DIP2C: variants seen among roughly 807,000 people sequenced by gnomAD.
DIP2C encodes DIP2 acetate--CoA ligase C (putative).
In DIP2C, 33 loss-of-function variants were observed where a neutral mutation model predicts 192.4. The observed-to-expected ratio is 0.17, with a 90% CI of 0.13 to 0.23. The LOEUF is 0.23. Among genes scored for constraint, DIP2C ranks in the 10% least tolerant of loss-of-function variants. DIP2C has a pLI of 1.00. For synonymous variants in DIP2C, 979 were observed against 864.1 expected (o/e 1.13, Z -2.33); for missense variants, 1,537 against 2,110.1 (o/e 0.73, Z 5.32).
chr10:431,306 T>G (rs1040124150), intron 4 of DIP2C, among the ~76,000 whole-genome samples: 10 of 152,252 alleles, frequency 6.6e-5, no homozygotes, highest in Admixed American at 6.5e-4. Context: ...AATATTCAGT[T>G]TTCCTATCCA....
At chr10:575,195 G>A (rs1302630124) in intron 1 of DIP2C, among the ~76,000 whole-genome samples, 1 of 152,204 alleles carries the variant, frequency 6.6e-6, no homozygotes, top group Admixed American at 6.5e-5. Context: ...ATGCTAATCT[G>A]AAACATGGAA....
chr10:548,519 G>C (rs112906712), intron 1 of DIP2C, among the ~76,000 whole-genome samples: 220 of 110,638 alleles, frequency 2.0e-3, no homozygotes, highest in African/African-American at 7.5e-3. Context: ...GGGAGGGAGG[G>C]AGGCAGGCAG....
intron 1 of DIP2C, among the ~76,000 whole-genome samples, chr10:518,424 C>T (rs1202346594): frequency 3.3e-5 from 5 of 152,252 alleles, no homozygotes; most frequent in Non-Finnish European, 7.3e-5. Flanking sequence ...AGTGTCCACA[C>T]AGGCTTTCCC....
chr10:504,406 T>C (rs1283734459), intron 1 of DIP2C, among the ~76,000 whole-genome samples: 1 of 151,766 alleles, frequency 6.6e-6, no homozygotes, highest in Non-Finnish European at 1.5e-5. Context: ...ACGAACTACC[T>C]GGAAGTCCTG....
rs758389315 is a variant in DIP2C, at chr10:390,246, A to C, written c.1494+18T>G. ...AGGCCACACTCAGGGCCAGTGGAGG[A>C]GGCCAAGGCTGACTCACCTCAATAT... On this transcript the variant is annotated intron_variant, in intron 12 of 36. Coordinates refer to ENST00000280886, the MANE Select transcript of DIP2C (RefSeq NM_014974.3). The C allele has an allele frequency of 4.3e-6, 7 of 1,609,598 alleles. No homozygotes were observed. The highest frequency in any genetic ancestry group is 5.1e-6 in the Non-Finnish European group (6 of 1,176,140).
At chr10:390,450 T>C (rs1963369196) in intron 11 of DIP2C, 77 bp from the exon 12 acceptor site, 1 of 1,387,706 alleles carries the variant, frequency 7.2e-7, no homozygotes, top group Non-Finnish European at 1.0e-6. Flanking sequence ...ATTTATGTGG[T>C]ACCCTTTCAA....
chr10:469,434 A>C (rs1272031008), intron 3 of DIP2C, among the ~76,000 whole-genome samples: 1 of 150,940 alleles, frequency 6.6e-6, no homozygotes, highest in African/African-American at 2.4e-5. Context: ...CTCCCACCTC[A>C]GCCTCTGGAA....
rs1366979866 is a variant in DIP2C, at chr10:651,642, C to T, written c.85+37852G>A. ...GCAAGGCTCTGAGGCCAACTTTGAA[C>T]ATTTATTTGAGTGAATTCACGTCCC... is the stretch of plus-strand genomic sequence containing the variant. On this transcript the variant is annotated intron_variant, in intron 1 of 36. Coordinates refer to ENST00000280886, the MANE Select transcript of DIP2C (RefSeq NM_014974.3). This position sits in a 1 kb window ranked among gnomAD's most constrained non-coding sequence, Gnocchi z 4.1. The T allele has an allele frequency of 8.5e-6, 3 of 352,734 alleles. No homozygotes were observed. Among genetic ancestry groups the T allele is most frequent in the East Asian group, 7.6e-5 (1 of 13,210 alleles). The allele number at this position is 352,734 out of a possible 1,614,324, so 21.9% of individuals were successfully genotyped here.
At chr10:409,366 A>T (rs1474158667) in intron 8 of DIP2C, among the ~76,000 whole-genome samples, 1 of 152,220 alleles carries the variant, frequency 6.6e-6, no homozygotes. Flanking sequence ...GGATCTGCCC[A>T]GCTGAAATGA....
intron 1 of DIP2C, among the ~76,000 whole-genome samples, chr10:576,795 T>C (rs1315342290): frequency 6.6e-6 from 1 of 152,106 alleles, no homozygotes; most frequent in Non-Finnish European, 1.5e-5. Flanking sequence ...TAACCCCAGC[T>C]ACTTGGGAAG....
intron 17 of DIP2C, among the ~76,000 whole-genome samples, chr10:370,888 G>A (rs189829846): frequency 3.7e-4 from 57 of 152,288 alleles, no homozygotes; most frequent in South Asian, 8.3e-4. Context: ...TCATTTGAAT[G>A]AAGTAACTGG....
rs1339282478 is a variant in DIP2C, at chr10:651,764, G to A, written c.85+37730C>T. The A allele has an allele frequency of 3.6e-6, 1 of 274,976 alleles. No individual in the cohort carries two copies. Among genetic ancestry groups the A allele is most frequent in the Non-Finnish European group, 7.0e-6 (1 of 141,930 alleles). 17.0% of individuals were successfully genotyped at this position (274,976 alleles called of 1,614,324 possible). Reference sequence around the variant, plus strand: ...AGTGGCCTGAGCTGAGAGGGGGCCTGGCATCGCCCACCCAGGTCATCAGTC... The same window carrying A: ...AGTGGCCTGAGCTGAGAGGGGGCCTAGCATCGCCCACCCAGGTCATCAGTC... On this transcript the variant is annotated intron_variant, in intron 1 of 36. Transcript: ENST00000280886. The surrounding 1 kb of genome is among the most constrained non-coding windows in gnomAD (Gnocchi z 4.1).
At chr10:615,897 C>T (rs1231219122) in intron 1 of DIP2C, among the ~76,000 whole-genome samples, 1 of 152,224 alleles carries the variant, frequency 6.6e-6, no homozygotes, top group Non-Finnish European at 1.5e-5. Flanking sequence ...GGCCGTCTTA[C>T]TCTAGCCTGA....
chr10:634,659 G>C (rs921493065), intron 1 of DIP2C, among the ~76,000 whole-genome samples: 1 of 151,982 alleles, frequency 6.6e-6, no homozygotes, highest in Admixed American at 6.6e-5. Flanking sequence ...GCTGAGGCAG[G>C]AGAATTGTTT....
intron 29 of DIP2C, among the ~76,000 whole-genome samples, chr10:337,295 A>T: frequency 8.6e-6 from 1 of 115,840 alleles, no homozygotes; most frequent in African/African-American, 3.4e-5. Context: ...GTGGAGGCCT[A>T]GGCAGCTGTG....
chr10:579,091 T>C (rs1012395491), intron 1 of DIP2C, among the ~76,000 whole-genome samples: 1 of 152,132 alleles, frequency 6.6e-6, no homozygotes, highest in African/African-American at 2.4e-5. Context: ...CATACACACA[T>C]GCAGATCCAT....
intron 1 of DIP2C, chr10:631,264 T>G (rs1854502896): frequency 6.6e-6 from 1 of 152,278 alleles, no homozygotes; most frequent in Admixed American, 6.5e-5. Context: ...ACCACGTGCC[T>G]TGGTACTTTC....
intron 2 of DIP2C, among the ~76,000 whole-genome samples, chr10:478,833 G>A (rs936523191): frequency 6.6e-6 from 1 of 152,178 alleles, no homozygotes; most frequent in Non-Finnish European, 1.5e-5. Context: ...GTCCGGGCGT[G>A]CTGGGGGTGC....
intron 31 of DIP2C, among the ~76,000 whole-genome samples, chr10:319,844 A>C (rs1589465644): frequency 6.6e-6 from 1 of 152,198 alleles, no homozygotes; most frequent in African/African-American, 2.4e-5. Flanking sequence ...GTCAATTAGG[A>C]AAGTTCACTT....
Sources: gnomAD v4.1 joint callset for allele counts (sites outside exome capture counted in the v4.1 genomes callset) on GRCh38, gnomAD v4.1.1 for gene constraint, Gnocchi (gnomAD v3.1) non-coding constraint, MANE v1.5 for transcripts, NCBI Gene and HGNC (gene_info 2026-07-23, HGNC 2026-07-21) for gene names.